Variants in ATF7IP2 observed in about 807,000 individuals in gnomAD.
ATF7IP2 encodes activating transcription factor 7 interacting protein 2.
In ATF7IP2, 42 loss-of-function variants were observed where a neutral mutation model predicts 64.2. The ratio of observed to expected loss-of-function variants is 0.65; its 90% CI spans 0.51 to 0.85. The LOEUF is 0.85. Ranked by LOEUF, ATF7IP2 falls within the 40% of genes least tolerant of loss-of-function variation. ATF7IP2 has a pLI of 0.00. For missense variants in ATF7IP2, 933 were observed against 784.2 expected, an observed-to-expected ratio of 1.19 and a Z score of -2.27; for synonymous variants, 308 against 272.8, an observed-to-expected ratio of 1.13 and a Z score of -1.27.
intron 1 of ATF7IP2, among the ~76,000 whole-genome samples, chr16:10,402,268 G>A (rs1428675149): frequency 6.6e-6 from 1 of 152,040 alleles, no homozygotes; most frequent in African/African-American, 2.4e-5. Flanking sequence ...AGAAGTTTTA[G>A]TATGTCGTTT....
At chr16:10,401,608 A>G (rs1041818830) in intron 1 of ATF7IP2, among the ~76,000 whole-genome samples, 20 of 152,192 alleles carry the variant, frequency 1.3e-4, no homozygotes, top group African/African-American at 4.6e-4. Flanking sequence ...AAGTGATACT[A>G]TCTTCATAGA....
At chr16:10,457,227 C>G (rs2049200183) in intron 8 of ATF7IP2, 145 bp from the exon 9 acceptor site, 3 of 648,728 alleles carry the variant, frequency 4.6e-6, no homozygotes, top group Non-Finnish European at 2.6e-6. Context: ...AAATCACAAT[C>G]ATGGTCATCA....
chr16:10,391,751 G>T (rs552624943), intron 1 of ATF7IP2, among the ~76,000 whole-genome samples: 5 of 152,128 alleles, frequency 3.3e-5, no homozygotes. Flanking sequence ...ACAAAAATTA[G>T]CTGGGCATGG....
intron 7 of ATF7IP2, among the ~76,000 whole-genome samples, chr16:10,439,435 T>G (rs2048535054): frequency 6.6e-6 from 1 of 151,832 alleles, no homozygotes; most frequent in African/African-American, 2.4e-5. Flanking sequence ...CGGGTTTCAC[T>G]GTATTAGCGT....
intron 1 of ATF7IP2, among the ~76,000 whole-genome samples, chr16:10,394,076 C>T (rs921653285): frequency 6.6e-6 from 1 of 152,134 alleles, no homozygotes; most frequent in Non-Finnish European, 1.5e-5. Context: ...AAGGATTAAA[C>T]AATCCCATGA....
At chr16:10,394,068 G>C (rs1259588564) in intron 1 of ATF7IP2, among the ~76,000 whole-genome samples, 1 of 152,042 alleles carries the variant, frequency 6.6e-6, no homozygotes, top group Non-Finnish European at 1.5e-5. Flanking sequence ...AGGTGTGAAA[G>C]GATTAAACAA....
chr16:10,416,194 C>T (rs944710636), intron 2 of ATF7IP2, among the ~76,000 whole-genome samples: 5 of 152,136 alleles, frequency 3.3e-5, no homozygotes, highest in Admixed American at 3.3e-4. Flanking sequence ...GATTTGGAAG[C>T]AACCTAAGTG....
intron 1 of ATF7IP2, among the ~76,000 whole-genome samples, chr16:10,394,387 G>T (rs541784606): frequency 1.3e-5 from 2 of 152,276 alleles, no homozygotes; most frequent in Non-Finnish European, 2.9e-5. Flanking sequence ...AATGTATGAA[G>T]CAACTATTGA....
At chr16:10,436,810 G>C (rs1206324774) in intron 6 of ATF7IP2, among the ~76,000 whole-genome samples, 1 of 152,078 alleles carries the variant, frequency 6.6e-6, no homozygotes, top group East Asian at 1.9e-4. Context: ...AAAAACTACA[G>C]TGAATGTTTC....
At chr16:10,456,669 C>T (rs1382715172) in intron 8 of ATF7IP2, among the ~76,000 whole-genome samples, 1 of 152,174 alleles carries the variant, frequency 6.6e-6, no homozygotes, top group East Asian at 1.9e-4. Flanking sequence ...CCTATGGTCA[C>T]TACCACTGCA....
At chr16:10,472,871 A>G (rs1418511112) in intron 10 of ATF7IP2, among the ~76,000 whole-genome samples, 1 of 151,992 alleles carries the variant, frequency 6.6e-6, no homozygotes, top group Non-Finnish European at 1.5e-5. Context: ...AAAAAAAAAA[A>G]AAATTTTAAC....
At chr16:10,447,002 C>G (rs1346973672) in intron 8 of ATF7IP2, 1 of 152,146 alleles carries the variant, frequency 6.6e-6, no homozygotes, top group Non-Finnish European at 1.5e-5. Context: ...TGGCTACTTC[C>G]CCAGAGGGAA....
intron 12 of ATF7IP2, among the ~76,000 whole-genome samples, chr16:10,480,147 C>A (rs2050169663): frequency 6.6e-6 from 1 of 151,626 alleles, no homozygotes; most frequent in Non-Finnish European, 1.5e-5. Context: ...GCCACCACAC[C>A]CAGCTAATTT....
intron 5 of ATF7IP2, 24 bp from the exon 6 acceptor site, chr16:10,433,501 T>C: frequency 6.3e-7 from 1 of 1,597,884 alleles, no homozygotes; most frequent in Admixed American, 1.7e-5. Flanking sequence ...ATATCTTTCT[T>C]TCTAATCTTT....
intron 8 of ATF7IP2, among the ~76,000 whole-genome samples, chr16:10,440,817 G>A (rs1736745946): frequency 6.6e-6 from 1 of 152,070 alleles, no homozygotes; most frequent in African/African-American, 2.4e-5. Context: ...GCATTACATA[G>A]GTATACACGT....
At chr16:10,451,333 C>T (rs2048977620) in intron 8 of ATF7IP2, among the ~76,000 whole-genome samples, 1 of 152,082 alleles carries the variant, frequency 6.6e-6, no homozygotes, top group Admixed American at 6.6e-5. Flanking sequence ...GTGGTGGTCT[C>T]TGTATTTCCT....
Position 10,482,365 on chromosome 16 carries a change from G to C in ATF7IP2, c.*116G>C. The C allele has an allele frequency of 8.2e-6, 6 of 732,776 alleles. No individual in the cohort carries two copies. Among genetic ancestry groups the C allele is most frequent in the South Asian group, 5.8e-5 (3 of 51,588 alleles). 45.4% of individuals were successfully genotyped at this position (732,776 alleles called of 1,614,324 possible). ...CTCAGATTGTGAGCCCTTTCTATTG[G>C]GACAGTCCTCTTCTATATGTTTTAA... On this transcript the variant is annotated 3_prime_UTR_variant, in exon 14 of 14. Coordinates refer to ENST00000562102, the MANE Select transcript of ATF7IP2 (RefSeq NM_001393719.1).
intron 1 of ATF7IP2, among the ~76,000 whole-genome samples, chr16:10,391,774 G>A (rs1395176927): frequency 6.6e-5 from 10 of 151,970 alleles, no homozygotes; most frequent in Admixed American, 6.6e-4. Context: ...GTGCACGCCT[G>A]TAGTCCCAGC....
At chr16:10,453,547 C>T (rs1019017367) in intron 8 of ATF7IP2, among the ~76,000 whole-genome samples, 3 of 152,100 alleles carry the variant, frequency 2.0e-5, no homozygotes, top group African/African-American at 2.4e-5. Flanking sequence ...GCCAGCAATC[C>T]GAAATAATTT....
Sources: allele counts gnomAD v4.1 joint callset (sites outside exome capture counted in the v4.1 genomes callset), GRCh38; gene constraint gnomAD v4.1.1; transcripts MANE v1.5; gene names NCBI Gene and HGNC (gene_info 2026-07-23, HGNC 2026-07-21).